HMX1: variants seen among roughly 807,000 people sequenced by gnomAD.
HMX1 encodes the protein H6 family homeobox 1, also known as homeobox protein HMX1.
A neutral mutation model predicts 8.9 loss-of-function variants in HMX1; 8 were observed. The observed-to-expected ratio is 0.90, with a 90% CI of 0.53 to 1.63. HMX1 has a LOEUF of 1.63. Ranked by LOEUF, HMX1 falls within the 40% of genes most tolerant of loss-of-function variation. The pLI is 0.00. For synonymous variants in HMX1, 311 were observed against 283.4 expected, an observed-to-expected ratio of 1.10 and a Z score of -0.98; for missense variants, 621 against 558.5, an observed-to-expected ratio of 1.11 and a Z score of -1.13.
chr4:8,864,704 G>A (rs1287268922), downstream of HMX1, among the ~76,000 whole-genome samples: 1 of 152,190 alleles, frequency 6.6e-6, no homozygotes, highest in Admixed American at 6.5e-5. Flanking sequence ...ACGGATAACA[G>A]GGCAGGGCCA....
chr4:8,861,373 G>A (rs1248168437), intron 1 of HMX1, among the ~76,000 whole-genome samples: 1 of 152,188 alleles, frequency 6.6e-6, no homozygotes, highest in Admixed American at 6.5e-5. Flanking sequence ...CGCGGCCTGT[G>A]CCGAGGAGCC....
chr4:8,867,150 G>A lies in HMX1; in HGVS notation c.*543C>T. The A allele has an allele frequency of 2.0e-6, 2 of 985,534 alleles. No homozygotes were observed. The highest frequency in any genetic ancestry group is 4.7e-5 in the South Asian group (1 of 21,284). 61.0% of individuals were successfully genotyped at this position (985,534 alleles called of 1,614,324 possible). ...GTCTGCAGAGAGCCCCAGCCTGCCT[G>A]CTCCTGGAACGGACGATGGGACCCA... On this transcript the variant is annotated 3_prime_UTR_variant, in exon 2 of 2. Transcript: ENST00000400677.
In HMX1 at chr4:8,847,799, A is replaced by G. The variant is rs530197608; in HGVS notation, c.395-1475T>C. ...AATTGCTTTCTGGACACAAGAATAA[A>G]GAAACAGGATTCAGAAACAGGGGAA... On this transcript the variant is annotated intron_variant, in intron 1 of 1. Coordinates refer to the HMX1 transcript ENST00000506970. This position sits in a 1 kb window ranked among gnomAD's most constrained non-coding sequence, Gnocchi z 6.0. Among the ~76,000 whole-genome samples the G allele has an allele frequency of 6.6e-6, 1 of 152,354 alleles. No homozygotes were observed. Among genetic ancestry groups the G allele is most frequent in the East Asian group, 1.9e-4 (1 of 5,182 alleles).
At chr4:8,857,793 G>A (rs138329608) in intron 1 of HMX1, among the ~76,000 whole-genome samples, 4,240 of 152,184 alleles carry the variant, frequency 0.028, 219 homozygotes, top group African/African-American at 0.097. Flanking sequence ...CCAAACTGCC[G>A]CAGCCCCTCC....
At chr4:8,860,685 G>A (rs1463249244) in intron 1 of HMX1, 1 of 152,314 alleles carries the variant, frequency 6.6e-6, no homozygotes, top group Admixed American at 6.5e-5. Flanking sequence ...CTAGCCTTCG[G>A]GTTAACACCG....
downstream of HMX1, among the ~76,000 whole-genome samples, chr4:8,865,652 G>A (rs1004335783): frequency 1.2e-4 from 19 of 152,176 alleles, no homozygotes; most frequent in Non-Finnish European, 2.4e-4. Context: ...GGCCCAGTGG[G>A]GAGAGGGGTC....
intron 1 of HMX1, among the ~76,000 whole-genome samples, chr4:8,856,335 G>A (rs1290649996): frequency 2.0e-5 from 3 of 152,196 alleles, no homozygotes; most frequent in Non-Finnish European, 4.4e-5. Context: ...AAGAGCTGGC[G>A]GGGTTGACAG....
rs576515755 is a variant in HMX1, at chr4:8,870,650, C to A, written c.394+571G>T. On this transcript the variant is annotated intron_variant, in intron 1 of 1. Transcript: ENST00000400677. This position sits in a 1 kb window ranked among gnomAD's most constrained non-coding sequence, Gnocchi z 4.4. ...TGCCATGTTAGATGGCTCCCCTCCC[C>A]GGCCCCACCCCCACAACACTGCACC... 6.6e-5 allele frequency among the ~76,000 whole-genome samples: 10 copies of A among 152,132 alleles called. No homozygotes were observed. The East Asian group carries it at 1.9e-3, about 30-fold the overall frequency.
downstream of HMX1, among the ~76,000 whole-genome samples, chr4:8,862,331 C>T (rs1721855910): frequency 6.6e-6 from 1 of 152,210 alleles, no homozygotes; most frequent in South Asian, 2.1e-4. Flanking sequence ...GAGATTCAGC[C>T]GCTGGGGAGC....
chr4:8,863,867 CTA>C (rs1478948410), downstream of HMX1, among the ~76,000 whole-genome samples: 2 of 152,220 alleles, frequency 1.3e-5, no homozygotes, highest in African/African-American at 4.8e-5. Context: ...AATCTCTGCT[CTA>C]TAGTCATTTC....
chr4:8,865,816 C>T (rs549867170), downstream of HMX1, among the ~76,000 whole-genome samples: 3 of 152,304 alleles, frequency 2.0e-5, no homozygotes, highest in South Asian at 2.1e-4. Flanking sequence ...CGAGTGAGAA[C>T]GGACTTCCTG....
At chr4:8,855,716 T>C (rs1264888275) in intron 1 of HMX1, among the ~76,000 whole-genome samples, 1 of 152,144 alleles carries the variant, frequency 6.6e-6, no homozygotes, top group African/African-American at 2.4e-5. Context: ...GAGTGAAATG[T>C]GACCCAGAAG....
chr4:8,865,151 C>T (rs570772692), downstream of HMX1, among the ~76,000 whole-genome samples: 11 of 152,172 alleles, frequency 7.2e-5, no homozygotes, highest in Non-Finnish European at 1.6e-4. Flanking sequence ...CTGACTGAAC[C>T]GCCTGTAAGG....
In HMX1 at chr4:8,853,521, A is replaced by G. The variant is rs919779737; in HGVS notation, c.395-7197T>C. 3.4e-4 allele frequency among the ~76,000 whole-genome samples: 51 copies of G among 152,214 alleles called. No homozygotes were observed. Among genetic ancestry groups the G allele is most frequent in the African/African-American group, 1.2e-3 (49 of 41,462 alleles). ...AATGTAGTCTTTAGCTAAGTGCCCA[A>G]CTGAAATCCAGAAGGGTTCAATTAG... On this transcript the variant is annotated intron_variant, in intron 1 of 1. Coordinates refer to the HMX1 transcript ENST00000506970. The surrounding 1 kb of genome is among the most constrained non-coding windows in gnomAD (Gnocchi z 4.7).
intron 1 of HMX1, among the ~76,000 whole-genome samples, chr4:8,854,800 A>G (rs1721559689): frequency 6.6e-6 from 1 of 152,260 alleles, no homozygotes; most frequent in Non-Finnish European, 1.5e-5. Context: ...CTAAAGTAAC[A>G]GTAGTAAGTC....
chr4:8,868,224 C>T lies in HMX1; in HGVS notation c.516G>A (p.Pro172=). ...REAAELAARG[P]AAGTEEASEL... ...CCGACGCCTCCTCCGTGCCGGCCGC[C>T]GGGCCACGCGCCGCCAGCTCCGCTG... The change falls in exon 2 of 2, where the codon CCG becomes CCA. Residue 172 remains proline (P), a synonymous_variant. Transcript: ENST00000400677. The surrounding 1 kb of genome is among the most constrained non-coding windows in gnomAD (Gnocchi z 4.6). 1.4e-6 allele frequency: 2 copies of T among 1,438,978 alleles called. No individual in the cohort carries two copies. The highest frequency in any genetic ancestry group is 9.1e-7 in the Non-Finnish European group (1 of 1,101,410). 89.1% of individuals were successfully genotyped at this position (1,438,978 alleles called of 1,614,324 possible). A position where few individuals can be genotyped will look rare whatever the true frequency, so the allele number is the denominator to read the frequency against.
chr4:8,852,278 G>A (rs1342340565), intron 1 of HMX1, among the ~76,000 whole-genome samples: 4 of 152,240 alleles, frequency 2.6e-5, no homozygotes, highest in African/African-American at 9.6e-5. Flanking sequence ...CTGCAGGGAG[G>A]TGTCGAACCT....
chr4:8,871,271 C>G lies in HMX1; in HGVS notation c.344G>C (p.Arg115Pro), dbSNP rs1722206719. ...PFALGCGGAARWYPRAHGGYG... is the reference protein window; with the variant it reads ...PFALGCGGAAPWYPRAHGGYG... ...GCCACCGTGCGCCCGTGGGTACCAGCGCGCTGCGCCTCCGCAGCCCAGAGC... is the reference window on the plus strand; with the variant it reads ...GCCACCGTGCGCCCGTGGGTACCAGGGCGCTGCGCCTCCGCAGCCCAGAGC... The change falls in exon 1 of 2, where the codon CGC (arginine) becomes CCC (proline). Residue 115 changes from arginine (R) to proline (P), a missense_variant. By Grantham distance (103) the Arg-to-Pro change is moderately radical. Coordinates refer to ENST00000400677, the MANE Select transcript of HMX1 (RefSeq NM_018942.3). The surrounding 1 kb of genome is among the most constrained non-coding windows in gnomAD (Gnocchi z 4.8). The G allele has an allele frequency of 1.3e-6, 2 of 1,482,476 alleles. No homozygotes were observed. Among genetic ancestry groups the G allele is most frequent in the African/African-American group, 1.5e-5 (1 of 68,364 alleles). 91.8% of individuals were successfully genotyped at this position (1,482,476 alleles called of 1,614,324 possible).
At position 8,871,466 on chromosome 4, in the gene HMX1, T is replaced by C. The variant is rs1722220367; in HGVS notation, c.149A>G (p.Asp50Gly). The C allele has an allele frequency of 7.4e-7, 1 of 1,343,570 alleles. No individual in the cohort carries two copies. The highest frequency in any genetic ancestry group is 9.6e-7 in the Non-Finnish European group (1 of 1,037,298). The allele number at this position is 1,343,570 out of a possible 1,614,324, so 83.2% of individuals were successfully genotyped here. ...CTCGGCGTCCTCGTCTTCGGGGTCG[T>C]CGTCGTCCTCCTCCTCGTCCTCCCG... ...GSREDEEEDD[D>G]DPEDEDAEQA... The change falls in exon 1 of 2, where the codon GAC becomes GGC. Residue 50 changes from aspartate (D) to glycine (G), a missense_variant. Coordinates refer to ENST00000400677, the MANE Select transcript of HMX1 (RefSeq NM_018942.3). This position sits in a 1 kb window ranked among gnomAD's most constrained non-coding sequence, Gnocchi z 4.8.
Sources: allele counts gnomAD v4.1 joint callset (sites outside exome capture counted in the v4.1 genomes callset), GRCh38; gene constraint gnomAD v4.1.1; non-coding constraint Gnocchi (gnomAD v3.1); transcripts MANE v1.5; gene names NCBI Gene and HGNC (gene_info 2026-07-23, HGNC 2026-07-21).